CTNNA2: variants seen among roughly 807,000 people sequenced by gnomAD.
CTNNA2 encodes the protein catenin alpha 2.
CTNNA2 carries 42 observed loss-of-function variants against 101.0 expected under a neutral mutation model. That is an observed-to-expected ratio of 0.42 (90% CI 0.32 to 0.54). CTNNA2 has a LOEUF of 0.54. CTNNA2 is among the 20% of genes least tolerant of loss of function. The probability of loss-of-function intolerance (pLI) is 0.14; values close to 1 mark genes in which losing one functional copy is unlikely to be tolerated. For synonymous variants in CTNNA2, 450 were observed against 456.4 expected (o/e 0.99, Z 0.18); for missense variants, 871 against 1,223.1 (o/e 0.71, Z 4.29).
intron 7 of CTNNA2, chr2:80,299,670 C>T (rs537182925): frequency 6.6e-6 from 1 of 152,308 alleles, no homozygotes; most frequent in South Asian, 2.1e-4. Context: ...CACGATTATT[C>T]TCTCTCTGTC....
chr2:79,468,129 G>A (rs958096278), intron 4 of CTNNA2, among the ~76,000 whole-genome samples: 4 of 152,082 alleles, frequency 2.6e-5, no homozygotes, highest in Admixed American at 2.6e-4. Flanking sequence ...GTATTCAGGA[G>A]ACCCATCTTA....
intron 7 of CTNNA2, among the ~76,000 whole-genome samples, chr2:80,165,516 G>A (rs1237875415): frequency 3.3e-5 from 5 of 152,044 alleles, no homozygotes; most frequent in Admixed American, 3.3e-4. Context: ...GTTAGTAATT[G>A]CTCTTTGAAG....
At chr2:79,956,697 C>T (rs1314474551) in intron 7 of CTNNA2, among the ~76,000 whole-genome samples, 1 of 152,142 alleles carries the variant, frequency 6.6e-6, no homozygotes, top group East Asian at 1.9e-4. Context: ...CAATGCATAC[C>T]TCAGAATATT....
chr2:80,303,807 G>A lies in CTNNA2; in HGVS notation c.1057-89404G>A, dbSNP rs773704668. ...AGCCAGTATAGACAGAGACCGAGCA[G>A]CAGGAAATCCATTAGCGAGAATCTT... On this transcript the variant is annotated intron_variant, in intron 7 of 18. Transcript: ENST00000402739. The surrounding 1 kb of genome is among the most constrained non-coding windows in gnomAD (Gnocchi z 7.7). 6 of 1,511,208 alleles carry A rather than the reference G, an allele frequency of 4.0e-6. No individual in the cohort carries two copies. The highest frequency in any genetic ancestry group is 4.4e-6 in the Non-Finnish European group (5 of 1,130,228). 93.6% of individuals were successfully genotyped at this position (1,511,208 alleles called of 1,614,324 possible). A position where few individuals can be genotyped will look rare whatever the true frequency, so the allele number is the denominator to read the frequency against.
chr2:80,142,107 A>G (rs911054658), intron 7 of CTNNA2, among the ~76,000 whole-genome samples: 5 of 152,044 alleles, frequency 3.3e-5, no homozygotes, highest in Admixed American at 2.6e-4. Flanking sequence ...TCCTAAACCA[A>G]TTGCAAATTA....
intron 11 of CTNNA2, among the ~76,000 whole-genome samples, chr2:80,554,982 G>A (rs1692897811): frequency 6.6e-6 from 1 of 152,074 alleles, no homozygotes; most frequent in African/African-American, 2.4e-5. Flanking sequence ...ATGCCTGCTT[G>A]ATTTCTACTT....
At chr2:80,604,452 ACG>A (rs1558636282) in intron 16 of CTNNA2, among the ~76,000 whole-genome samples, 1 of 151,932 alleles carries the variant, frequency 6.6e-6, no homozygotes, top group East Asian at 1.9e-4. Flanking sequence ...CTGAAGAGTC[ACG>A]GATTGTCCCA....
intron 3 of CTNNA2, among the ~76,000 whole-genome samples, chr2:79,360,554 G>T (rs903873993): frequency 6.6e-6 from 1 of 152,160 alleles, no homozygotes; most frequent in Non-Finnish European, 1.5e-5. Flanking sequence ...AGTTCATTGT[G>T]TAGATGATAA....
chr2:80,409,662 A>T (rs577324711), intron 8 of CTNNA2, among the ~76,000 whole-genome samples: 1 of 152,330 alleles, frequency 6.6e-6, no homozygotes, highest in African/African-American at 2.4e-5. Flanking sequence ...TAAGTAAGTG[A>T]TAAAGCATAA....
At chr2:80,538,077 G>T (rs1410637923) in intron 9 of CTNNA2, among the ~76,000 whole-genome samples, 1 of 145,312 alleles carries the variant, frequency 6.9e-6, no homozygotes, top group African/African-American at 2.8e-5. Context: ...TGATAGGGTT[G>T]TTTTTTTCTT....
chr2:79,724,312 C>T (rs553356575), intron 2 of CTNNA2, among the ~76,000 whole-genome samples: 16 of 151,892 alleles, frequency 1.1e-4, no homozygotes, highest in African/African-American at 3.6e-4. Context: ...GCAAGAAGTT[C>T]CCTACAAGAA....
At chr2:79,262,245 G>C (rs1020585978) in intron 2 of CTNNA2, among the ~76,000 whole-genome samples, 1 of 152,048 alleles carries the variant, frequency 6.6e-6, no homozygotes, top group African/African-American at 2.4e-5. Flanking sequence ...ACCATGCAGG[G>C]GAAAGGCATG....
rs531307333 is a variant in CTNNA2, at chr2:79,932,735, T to G, written c.1056+22938T>G. On this transcript the variant is annotated intron_variant, in intron 7 of 18. Coordinates refer to ENST00000402739, the MANE Select transcript of CTNNA2 (RefSeq NM_001282597.3). ...CATTTTAACAAGGCCTATTTTTAAT[T>G]GAATATTGAAAAACTAGATCCTCAA... Among the ~76,000 whole-genome samples the G allele has an allele frequency of 1.5e-3, 233 of 152,336 alleles. 4 individuals are homozygous for G. In the South Asian group the frequency reaches 0.029, roughly 19 times the overall value.
chr2:80,131,638 C>G (rs533093571), intron 7 of CTNNA2, among the ~76,000 whole-genome samples: 11 of 152,254 alleles, frequency 7.2e-5, no homozygotes, highest in Non-Finnish European at 1.6e-4. Flanking sequence ...TCCAAGACAG[C>G]CCACAGATTC....
At chr2:80,006,672 A>G (rs1693376886) in intron 7 of CTNNA2, among the ~76,000 whole-genome samples, 1 of 152,122 alleles carries the variant, frequency 6.6e-6, no homozygotes, top group South Asian at 2.1e-4. Flanking sequence ...ATCTAACAGG[A>G]GAGTTTCCAG....
At chr2:79,427,459 T>C (rs1376205490) in intron 4 of CTNNA2, among the ~76,000 whole-genome samples, 1 of 152,056 alleles carries the variant, frequency 6.6e-6, no homozygotes, top group Non-Finnish European at 1.5e-5. Context: ...ATAAGCTTTA[T>C]TAACTTCTGA....
intron 7 of CTNNA2, among the ~76,000 whole-genome samples, chr2:80,073,912 T>A (rs1698517468): frequency 6.6e-6 from 1 of 152,208 alleles, no homozygotes; most frequent in Non-Finnish European, 1.5e-5. Flanking sequence ...GCTTCTCTCA[T>A]GATTAACTAA....
chr2:80,387,115 C>T (rs945714363), intron 7 of CTNNA2, among the ~76,000 whole-genome samples: 1 of 151,990 alleles, frequency 6.6e-6, no homozygotes, highest in Non-Finnish European at 1.5e-5. Context: ...GGTGAAACCC[C>T]GTCTTTATTA....
intron 2 of CTNNA2, among the ~76,000 whole-genome samples, chr2:79,301,735 G>A (rs978042988): frequency 1.3e-5 from 2 of 152,078 alleles, no homozygotes; most frequent in Non-Finnish European, 2.9e-5. Context: ...GACTATGAGA[G>A]TCATCCCTCA....
Sources: allele counts gnomAD v4.1 joint callset (sites outside exome capture counted in the v4.1 genomes callset), GRCh38; gene constraint gnomAD v4.1.1; non-coding constraint Gnocchi (gnomAD v3.1); transcripts MANE v1.5; gene names NCBI Gene and HGNC (gene_info 2026-07-23, HGNC 2026-07-21).